Variants in GDPD5 observed in about 807,000 individuals in gnomAD.
GDPD5 encodes the protein glycerophosphodiester phosphodiesterase domain containing 5, also known as glycerophosphodiester phosphodiesterase 2.
In GDPD5, 48 loss-of-function variants were observed where a neutral mutation model predicts 75.1. The ratio of observed to expected loss-of-function variants is 0.64; its 90% confidence interval spans 0.51 to 0.81. GDPD5 has a LOEUF of 0.81. Among genes scored for constraint, GDPD5 ranks in the 40% least tolerant of loss-of-function variants. The pLI, the probability that GDPD5 is intolerant of heterozygous loss-of-function variation, is 0.00. For missense variants in GDPD5, 706 were observed against 822.6 expected, an observed-to-expected ratio of 0.86 and a Z score of 1.73; for synonymous variants, 336 against 339.0, an observed-to-expected ratio of 0.99 and a Z score of 0.10.
intron 1 of GDPD5, among the ~76,000 whole-genome samples, chr11:75,498,104 G>T (rs116982966): frequency 6.0e-5 from 9 of 150,444 alleles, no homozygotes; most frequent in South Asian, 4.3e-4. Flanking sequence ...GTGGAGGGGG[G>T]GCTGACTCCC....
rs530264140 is a variant in GDPD5 at position 75,475,340 on chromosome 11, G to A, written c.117+2279C>T. 6.6e-5 allele frequency among the ~76,000 whole-genome samples: 10 copies of A among 152,166 alleles called. 1 individual carries two copies. Among genetic ancestry groups the A allele is most frequent in the Admixed American group, 6.5e-4 (10 of 15,296 alleles). ...AGGAGACAAACCAGGCTCACTGGAAGAGCCGTCTCCACCACCCCTCAACTC... is the reference window on the plus strand; with the variant it reads ...AGGAGACAAACCAGGCTCACTGGAAAAGCCGTCTCCACCACCCCTCAACTC... On this transcript the variant is annotated intron_variant, in intron 3 of 16. Coordinates refer to ENST00000336898, the MANE Select transcript of GDPD5 (RefSeq NM_030792.8).
chr11:75,466,566 G>A (rs188739421), intron 3 of GDPD5, among the ~76,000 whole-genome samples: 2 of 152,240 alleles, frequency 1.3e-5, no homozygotes, highest in East Asian at 1.9e-4. Context: ...CCCCGGCCAC[G>A]GCCCTCCTTC....
chr11:75,510,774 G>A (rs543326242), intron 1 of GDPD5, among the ~76,000 whole-genome samples: 11 of 126,910 alleles, frequency 8.7e-5, no homozygotes, highest in East Asian at 4.7e-4. Context: ...CTCCTCCTCC[G>A]GGCCTCCCCA....
At chr11:75,467,181 T>A (rs1949534183) in intron 3 of GDPD5, among the ~76,000 whole-genome samples, 1 of 152,216 alleles carries the variant, frequency 6.6e-6, no homozygotes, top group Non-Finnish European at 1.5e-5. Flanking sequence ...GCACGGGCTC[T>A]AAAGAGCTGG....
chr11:75,438,853 G>C, intron 15 of GDPD5: 1 of 170,882 alleles, frequency 5.9e-6, no homozygotes, highest in South Asian at 1.4e-4. Context: ...GTAAAGAAGA[G>C]AGAGAAAGAG....
chr11:75,467,743 T>G (rs1229276872), intron 3 of GDPD5, among the ~76,000 whole-genome samples: 1 of 152,014 alleles, frequency 6.6e-6, no homozygotes, highest in African/African-American at 2.4e-5. Context: ...GCTGCTGTGA[T>G]GGAGAATCCT....
chr11:75,479,947 G>C (rs1026136746), intron 2 of GDPD5, among the ~76,000 whole-genome samples: 10 of 152,172 alleles, frequency 6.6e-5, no homozygotes, highest in Non-Finnish European at 1.3e-4. Flanking sequence ...TTTATCCATT[G>C]ATCAGCTGAT....
intron 4 of GDPD5, among the ~76,000 whole-genome samples, chr11:75,460,897 G>A (rs889236479): frequency 6.6e-6 from 1 of 151,766 alleles, no homozygotes; most frequent in African/African-American, 2.4e-5. Flanking sequence ...ACCCCAACAG[G>A]GCGGGAACCC....
intron 2 of GDPD5, among the ~76,000 whole-genome samples, chr11:75,487,225 A>G (rs1950035926): frequency 6.6e-6 from 1 of 152,232 alleles, no homozygotes; most frequent in South Asian, 2.1e-4. Flanking sequence ...GCTTGAATGG[A>G]GAGATCCCCG....
rs759361250 is a variant in GDPD5 at position 75,449,032 on chromosome 11, T to C, written c.659A>G (p.Glu220Gly). ...AGGCTTGGGGCCGAGGTCTTTCTTC[T>C]CCATGATGCAGGGAGAGGAGATGGT... ...PLTISSPCIM[E>G]KKDLGPKPAL... Residue 220 changes from glutamate to glycine, a missense_variant, in exon 9 of 17, where the codon GAG becomes GGG. By Grantham distance (98) the Glu-to-Gly change is moderately conservative (BLOSUM62 -2). Coordinates refer to ENST00000336898, the MANE Select transcript of GDPD5 (RefSeq NM_030792.8). 1.2e-6 allele frequency: 2 copies of C among 1,606,016 alleles called. No homozygotes were observed. The highest frequency in any genetic ancestry group is 3.5e-5 in the Admixed American group (2 of 57,170).
intron 2 of GDPD5, among the ~76,000 whole-genome samples, chr11:75,483,741 G>A (rs530751758): frequency 6.6e-6 from 1 of 152,298 alleles, no homozygotes; most frequent in East Asian, 1.9e-4. Context: ...CTTCACAAAA[G>A]GCCACATATT....
At chr11:75,456,684 C>T (rs1949291901) in intron 6 of GDPD5, 73 bp downstream of exon 6, 1 of 1,432,184 alleles carries the variant, frequency 7.0e-7, no homozygotes, top group Non-Finnish European at 9.8e-7. Context: ...ACATGGTGGC[C>T]AGGCCCTTCC....
intron 1 of GDPD5, among the ~76,000 whole-genome samples, chr11:75,520,654 G>A (rs1276372050): frequency 6.6e-6 from 1 of 152,352 alleles, no homozygotes; most frequent in South Asian, 2.1e-4. Flanking sequence ...CTTATAGCAG[G>A]CAGCATCTTT....
chr11:75,468,384 G>A (rs1949573514), intron 3 of GDPD5, among the ~76,000 whole-genome samples: 1 of 152,206 alleles, frequency 6.6e-6, no homozygotes, highest in African/African-American at 2.4e-5. Context: ...CTGGGAAGGG[G>A]CTTCTCCTTC....
Position 75,477,609 on chromosome 11 carries a change from G to C in GDPD5, c.117+10C>G, listed in dbSNP as rs763674573. The C allele has an allele frequency of 3.2e-6, 5 of 1,550,774 alleles. No homozygotes were observed. The highest frequency in any genetic ancestry group is 1.8e-6 in the Non-Finnish European group (2 of 1,136,834). On this transcript the variant is annotated intron_variant, in intron 3 of 16. Transcript: ENST00000336898. ...CTGGGTCCCTCTGACCCTGTTCCAG[G>C]GTGGCTCACCGGTGTGGTATCATCA... is the stretch of plus-strand genomic sequence containing the variant.
chr11:75,444,328 C>A, intron 10 of GDPD5, 85 bp downstream of exon 10: 1 of 981,342 alleles, frequency 1.0e-6, no homozygotes, highest in South Asian at 1.3e-5. Context: ...GGCTCTGAGA[C>A]CAGAGGTTCC....
intron 1 of GDPD5, among the ~76,000 whole-genome samples, chr11:75,513,445 TC>T (rs1285724311): frequency 6.6e-6 from 1 of 151,888 alleles, no homozygotes; most frequent in African/African-American, 2.4e-5. Flanking sequence ...GGGTGTAAGC[TC>T]CGGTGTGTCT....
intron 6 of GDPD5, among the ~76,000 whole-genome samples, chr11:75,452,650 C>T (rs1319825786): frequency 6.6e-6 from 1 of 152,162 alleles, no homozygotes; most frequent in African/African-American, 2.4e-5. Flanking sequence ...GCTGGAGGGA[C>T]AGAGGCTGGA....
intron 10 of GDPD5, 102 bp downstream of exon 10, chr11:75,444,311 T>C: frequency 2.4e-6 from 2 of 826,464 alleles, no homozygotes; most frequent in East Asian, 2.5e-5. Context: ...CCTCCTCCCA[T>C]CTCAGAGGCT....
Sources: allele counts gnomAD v4.1 joint callset (sites outside exome capture counted in the v4.1 genomes callset), GRCh38; gene constraint gnomAD v4.1.1; transcripts MANE v1.5; gene names NCBI Gene and HGNC (gene_info 2026-07-23, HGNC 2026-07-21).